SGK1: variants seen among roughly 807,000 people sequenced by gnomAD.
SGK1 encodes the protein serine/threonine-protein kinase Sgk1.
In SGK1, 26 loss-of-function variants were observed where a neutral mutation model predicts 64.2. The ratio of observed to expected loss-of-function variants is 0.40; its 90% confidence interval spans 0.30 to 0.56. SGK1 has a LOEUF of 0.56. Among genes scored for constraint, SGK1 ranks in the 20% least tolerant of loss-of-function variants. SGK1 has a pLI of 0.38. For synonymous variants in SGK1, 265 were observed against 239.7 expected, an observed-to-expected ratio of 1.11 and a Z score of -0.98; for missense variants, 519 against 645.6, an observed-to-expected ratio of 0.80 and a Z score of 2.12.
intron 2 of SGK1, among the ~76,000 whole-genome samples, chr6:134,240,754 T>C (rs1414624772): frequency 2.0e-5 from 3 of 152,208 alleles, no homozygotes; most frequent in Non-Finnish European, 2.9e-5. Context: ...AATGGTTGTT[T>C]GTGAACAAGT....
At chr6:134,295,378 C>T (rs1053665673) in intron 1 of SGK1, among the ~76,000 whole-genome samples, 12 of 152,280 alleles carry the variant, frequency 7.9e-5, no homozygotes, top group Admixed American at 7.2e-4. Flanking sequence ...ATTTTAAGCA[C>T]AGGGATATCA....
intron 3 of SGK1, among the ~76,000 whole-genome samples, chr6:134,196,604 C>T (rs1003395737): frequency 3.3e-5 from 5 of 152,174 alleles, no homozygotes; most frequent in Admixed American, 6.5e-5. Flanking sequence ...TGTACACTAC[C>T]GGGCAGTTTC....
intron 3 of SGK1, among the ~76,000 whole-genome samples, chr6:134,181,492 G>A (rs963953606): frequency 2.0e-5 from 3 of 151,778 alleles, no homozygotes; most frequent in Non-Finnish European, 2.9e-5. Flanking sequence ...TTACAGGCAC[G>A]TGCCACTACT....
Position 134,214,345 on chromosome 6 carries a change from A to C in SGK1, c.286-6914T>G, listed in dbSNP as rs4896025. Among the ~76,000 whole-genome samples, 306 of 152,190 alleles carry C rather than the reference A, an allele frequency of 2.0e-3. 2 individuals are homozygous for C. Among genetic ancestry groups the C allele is most frequent in the Non-Finnish European group, 2.3e-3 (159 of 68,018 alleles). On this transcript the variant is annotated intron_variant, in intron 2 of 13. Coordinates refer to ENST00000367858, the MANE Select transcript of SGK1 (RefSeq NM_001143676.3). ...AAGGCTCACGCCTGTAATCTCAGCA[A>C]TTTGGGAGGCCGAGGCAGGCGGATC...
chr6:134,205,064 T>C (rs1775748527), intron 3 of SGK1, among the ~76,000 whole-genome samples: 1 of 152,140 alleles, frequency 6.6e-6, no homozygotes, highest in Non-Finnish European at 1.5e-5. Flanking sequence ...AATAGCTGCT[T>C]CACAGATAGA....
At chr6:134,245,206 G>A (rs1284853899) in intron 2 of SGK1, among the ~76,000 whole-genome samples, 1 of 152,210 alleles carries the variant, frequency 6.6e-6, no homozygotes, top group African/African-American at 2.4e-5. Context: ...GAATATCGTG[G>A]ACTAAAGGTG....
intron 1 of SGK1, among the ~76,000 whole-genome samples, chr6:134,279,418 G>A (rs1777061700): frequency 7.9e-6 from 1 of 126,272 alleles, no homozygotes; most frequent in South Asian, 2.5e-4. Flanking sequence ...GCAATAGAGT[G>A]AGATCCTGTC....
chr6:134,232,630 C>T (rs868166499), intron 2 of SGK1, among the ~76,000 whole-genome samples: 1 of 152,056 alleles, frequency 6.6e-6, no homozygotes, highest in Non-Finnish European at 1.5e-5. Flanking sequence ...GTGGGCAGAT[C>T]AATTGAGTCC....
intron 3 of SGK1, among the ~76,000 whole-genome samples, chr6:134,205,132 C>T (rs548252677): frequency 2.7e-4 from 41 of 152,120 alleles, no homozygotes; most frequent in Non-Finnish European, 4.9e-4. Flanking sequence ...GTACAGATTT[C>T]CCTCCCTTTC....
At chr6:134,206,337 TGATATATA>T (rs1775768494) in intron 3 of SGK1, among the ~76,000 whole-genome samples, 1 of 111,458 alleles carries the variant, frequency 9.0e-6, no homozygotes, top group African/African-American at 3.7e-5. Context: ...CTGTACCTGA[TGATATATA>T]TATATATATA....
rs1460614702 is a variant in SGK1, at chr6:134,170,865, G to A, written c.1374C>T (p.Leu458=). The change falls in exon 13 of 14, where the codon CTC becomes CTT. Residue 458 remains leucine, a synonymous_variant. Coordinates refer to ENST00000367858, the MANE Select transcript of SGK1 (RefSeq NM_001143676.3). ...VFFSLINWDD[L]INKKITPPFN... is the part of the protein sequence containing the mutation. ...AAGGGGGAGTAATCTTCTTATTAAT[G>A]AGATCATCCCAGTTAATTAAGGAGA... 6.2e-7 allele frequency: 1 copy of A among 1,611,108 alleles called. No individual in the cohort carries two copies.
At chr6:134,217,594 C>T (rs1776006845) in intron 2 of SGK1, among the ~76,000 whole-genome samples, 1 of 152,180 alleles carries the variant, frequency 6.6e-6, no homozygotes, top group Admixed American at 6.6e-5. Flanking sequence ...CTACAGCAAA[C>T]ATGCCCATAG....
At chr6:134,177,015 A>C (rs995709855) in intron 3 of SGK1, among the ~76,000 whole-genome samples, 1 of 152,224 alleles carries the variant, frequency 6.6e-6, no homozygotes, top group African/African-American at 2.4e-5. Context: ...AGAGATCGAG[A>C]CCATCCTGGC....
At chr6:134,267,243 CT>C (rs1310568281) in intron 1 of SGK1, among the ~76,000 whole-genome samples, 2 of 150,094 alleles carry the variant, frequency 1.3e-5, no homozygotes, top group African/African-American at 4.9e-5. Context: ...TTTTCTTTTT[CT>C]TTTTTTTAAT....
Position 134,170,869 on chromosome 6 carries a change from T to A in SGK1, c.1370A>T (p.Asp457Val), listed in dbSNP as rs763222529. 32 of 1,611,744 alleles carry A rather than the reference T, an allele frequency of 2.0e-5. 1 individual carries two copies. In the Admixed American group the frequency reaches 5.0e-4, roughly 25 times the overall value. Residue 457 changes from aspartate to valine, a missense_variant, in exon 13 of 14, where the codon GAT becomes GTT. Around this residue, in one of 2 missense-constraint regions of SGK1, gnomAD observed 278 missense variants for 408.7 expected, o/e 0.68. Transcript: ENST00000367858. ...HVFFSLINWDDLINKKITPPF... is the reference protein window; with the variant it reads ...HVFFSLINWDVLINKKITPPF... The stretch of plus-strand genomic sequence containing the variant: ...GGGAGTAATCTTCTTATTAATGAGA[T>A]CATCCCAGTTAATTAAGGAGAAGAA...
intron 1 of SGK1, among the ~76,000 whole-genome samples, chr6:134,306,972 A>G (rs922828022): frequency 9.2e-5 from 14 of 152,036 alleles, no homozygotes; most frequent in African/African-American, 2.9e-4. Context: ...GTTATTTCAA[A>G]GGATATTAAC....
At chr6:134,193,788 G>A (rs1178012058) in intron 3 of SGK1, among the ~76,000 whole-genome samples, 1 of 109,060 alleles carries the variant, frequency 9.2e-6, no homozygotes, top group South Asian at 4.1e-4. Flanking sequence ...GGAGAGGGGA[G>A]GGGAGAAGGG....
chr6:134,299,992 G>A (rs1777423551), intron 1 of SGK1, among the ~76,000 whole-genome samples: 1 of 152,038 alleles, frequency 6.6e-6, no homozygotes, highest in Admixed American at 6.5e-5. Flanking sequence ...GCAGATAACT[G>A]AGAAAATAAG....
chr6:134,229,173 G>C (rs1194640013), intron 2 of SGK1, among the ~76,000 whole-genome samples: 1 of 152,256 alleles, frequency 6.6e-6, no homozygotes, highest in African/African-American at 2.4e-5. Context: ...TGGGCCTGCA[G>C]AAGAGAGATA....
Sources: allele counts gnomAD v4.1 joint callset (sites outside exome capture counted in the v4.1 genomes callset), GRCh38; gene constraint gnomAD v4.1.1; regional missense constraint gnomAD v4.1.1; transcripts MANE v1.5; gene names NCBI Gene and HGNC (gene_info 2026-07-23, HGNC 2026-07-21).